Variants in WWOX observed in about 807,000 individuals in gnomAD.
WWOX encodes WW domain-containing oxidoreductase.
Under a neutral mutation model 46.2 loss-of-function variants are expected in WWOX, and 69 were observed. That is an observed-to-expected ratio of 1.49 (90% CI 1.23 to 1.82). The LOEUF is 1.82. Among genes scored for constraint, WWOX ranks in the 40% most tolerant of loss-of-function variants. WWOX has a pLI of 0.00. For missense variants in WWOX, 919 were observed against 542.6 expected (o/e 1.69, Z -6.89); for synonymous variants, 359 against 202.6 (o/e 1.77, Z -6.56).
In WWOX at chr16:78,515,660, C is replaced by A. The variant is rs74467173; in HGVS notation, c.1056+82908C>A. On this transcript the variant is annotated intron_variant, in intron 8 of 8. Transcript: ENST00000566780. ...AGCTTCCGTCAGCTTTCTTGCCGGCCTCTCCTCGCAGCCGCTCCCTTCCAC... is the reference window on the plus strand; with the variant it reads ...AGCTTCCGTCAGCTTTCTTGCCGGCATCTCCTCGCAGCCGCTCCCTTCCAC... Among the ~76,000 whole-genome samples, 1,163 of 152,320 alleles carry A rather than the reference C, an allele frequency of 7.6e-3. 13 individuals are homozygous for A. The highest frequency in any genetic ancestry group is 0.027 in the African/African-American group (1,123 of 41,570).
intron 8 of WWOX, among the ~76,000 whole-genome samples, chr16:79,032,136 G>T (rs1214207248): frequency 6.9e-6 from 1 of 144,320 alleles, no homozygotes; most frequent in Non-Finnish European, 1.5e-5. Context: ...ATATATATTT[G>T]TTAGGGTAAA....
intron 5 of WWOX, among the ~76,000 whole-genome samples, chr16:78,254,459 T>A (rs1295057992): frequency 1.3e-5 from 2 of 148,654 alleles, no homozygotes; most frequent in Non-Finnish European, 3.0e-5. Context: ...GCTTAGAGGT[T>A]CACCACCTCT....
chr16:78,268,005 G>C (rs1239826549), intron 5 of WWOX, among the ~76,000 whole-genome samples: 1 of 152,166 alleles, frequency 6.6e-6, no homozygotes, highest in Non-Finnish European at 1.5e-5. Flanking sequence ...TTTTAGTAGA[G>C]ACAGGGTTTT....
At chr16:78,776,014 A>G (rs1305458382) in intron 8 of WWOX, among the ~76,000 whole-genome samples, 2 of 152,192 alleles carry the variant, frequency 1.3e-5, no homozygotes, top group African/African-American at 4.8e-5. Flanking sequence ...TCTGCAGGAC[A>G]CAGCTATGTG....
chr16:78,222,861 C>G (rs1002704251), intron 5 of WWOX, among the ~76,000 whole-genome samples: 3 of 152,200 alleles, frequency 2.0e-5, no homozygotes, highest in Non-Finnish European at 2.9e-5. Context: ...CACAAAAGAT[C>G]TTCCCGCTCG....
intron 8 of WWOX, among the ~76,000 whole-genome samples, chr16:79,160,274 G>A (rs552159402): frequency 6.6e-6 from 1 of 152,152 alleles, no homozygotes; most frequent in Non-Finnish European, 1.5e-5. Context: ...CACCAAGCAA[G>A]GCAGACTATT....
chr16:79,005,131 G>T (rs181162619), intron 8 of WWOX, among the ~76,000 whole-genome samples: 9 of 152,254 alleles, frequency 5.9e-5, no homozygotes, highest in Non-Finnish European at 1.0e-4. Context: ...TCTCCATGTG[G>T]CTTTCTGTCT....
intron 8 of WWOX, among the ~76,000 whole-genome samples, chr16:78,675,459 T>A (rs938148338): frequency 6.6e-6 from 1 of 152,214 alleles, no homozygotes; most frequent in African/African-American, 2.4e-5. Context: ...TAACAAATAC[T>A]TTTATGGGCC....
At chr16:78,766,777 T>C (rs1289925305) in intron 8 of WWOX, among the ~76,000 whole-genome samples, 1 of 152,242 alleles carries the variant, frequency 6.6e-6, no homozygotes, top group Non-Finnish European at 1.5e-5. Flanking sequence ...ACCTTTACTT[T>C]TTTTATTTTG....
intron 8 of WWOX, among the ~76,000 whole-genome samples, chr16:78,976,879 C>T (rs1363362357): frequency 6.6e-6 from 1 of 152,206 alleles, no homozygotes; most frequent in Non-Finnish European, 1.5e-5. Flanking sequence ...CCAAAGTATG[C>T]ACGCCGCACT....
chr16:79,039,120 A>G (rs369286492), intron 8 of WWOX, among the ~76,000 whole-genome samples: 1 of 152,312 alleles, frequency 6.6e-6, no homozygotes, highest in African/African-American at 2.4e-5. Context: ...TAAAGAAATG[A>G]AAGTTCTGAC....
intron 8 of WWOX, among the ~76,000 whole-genome samples, chr16:78,609,998 C>A (rs974970975): frequency 8.4e-6 from 1 of 118,392 alleles, no homozygotes; most frequent in Non-Finnish European, 1.6e-5. Flanking sequence ...GTGACGCAAA[C>A]GACCTTTATT....
intron 8 of WWOX, among the ~76,000 whole-genome samples, chr16:78,600,468 T>C (rs2045595295): frequency 6.6e-6 from 1 of 152,140 alleles, no homozygotes; most frequent in South Asian, 2.1e-4. Flanking sequence ...TTTTAAGTAT[T>C]CTTTTCTTTC....
chr16:79,199,283 G>C (rs144490208), intron 8 of WWOX, among the ~76,000 whole-genome samples: 3 of 152,038 alleles, frequency 2.0e-5, no homozygotes, highest in East Asian at 1.9e-4. Flanking sequence ...GGCTGGTCTC[G>C]AACTCCTGAC....
chr16:78,712,653 C>T (rs1174353794), intron 8 of WWOX, among the ~76,000 whole-genome samples: 2 of 151,970 alleles, frequency 1.3e-5, no homozygotes, highest in East Asian at 3.9e-4. Context: ...TATGGAGTAG[C>T]TAATAGATAG....
At chr16:78,768,886 T>A (rs2049992345) in intron 8 of WWOX, among the ~76,000 whole-genome samples, 1 of 152,154 alleles carries the variant, frequency 6.6e-6, no homozygotes, top group African/African-American at 2.4e-5. Context: ...AATGCCGTTG[T>A]TTGTAAGCAG....
intron 8 of WWOX, among the ~76,000 whole-genome samples, chr16:78,640,146 C>T (rs983561663): frequency 1.3e-5 from 2 of 149,768 alleles, no homozygotes; most frequent in African/African-American, 2.5e-5. Flanking sequence ...GGAGGGAGGC[C>T]GATAGAGAGT....
chr16:78,876,905 A>G (rs1192190758), intron 8 of WWOX, among the ~76,000 whole-genome samples: 4 of 152,194 alleles, frequency 2.6e-5, no homozygotes, highest in Non-Finnish European at 5.9e-5. Flanking sequence ...GAATTCCTAC[A>G]GGAAATCTTG....
At chr16:78,832,534 C>T (rs915797308) in intron 8 of WWOX, among the ~76,000 whole-genome samples, 4 of 152,220 alleles carry the variant, frequency 2.6e-5, no homozygotes, top group African/African-American at 7.2e-5. Flanking sequence ...CACTCTGCCA[C>T]TCCACACACC....
Sources: gnomAD v4.1 joint callset for allele counts (sites outside exome capture counted in the v4.1 genomes callset) on GRCh38, gnomAD v4.1.1 for gene constraint, MANE v1.5 for transcripts, NCBI Gene and HGNC (gene_info 2026-07-23, HGNC 2026-07-21) for gene names.